The following SDK2 variants were observed in gnomAD, a reference collection of about 807,000 sequenced individuals.
SDK2 encodes the protein sidekick cell adhesion molecule 2.
In SDK2, 105 loss-of-function variants were observed where a neutral mutation model predicts 253.9. That is an observed-to-expected ratio of 0.41 (90% CI 0.35 to 0.49). SDK2 has a LOEUF of 0.49. Among genes scored for constraint, SDK2 ranks in the 20% least tolerant of loss-of-function variants. The probability of loss-of-function intolerance (pLI) is 0.06; values close to 1 mark genes in which losing one functional copy is unlikely to be tolerated. For synonymous variants in SDK2, 1,249 were observed against 1,234.9 expected (o/e 1.01, Z -0.24); for missense variants, 2,608 against 3,003.0 (o/e 0.87, Z 3.07).
At chr17:73,598,534 A>G (rs1465578384) in intron 1 of SDK2, among the ~76,000 whole-genome samples, 1 of 152,164 alleles carries the variant, frequency 6.6e-6, no homozygotes, top group African/African-American at 2.4e-5. Context: ...CTGGGGATGC[A>G]GCTCTGCTCT....
Position 73,395,444 on chromosome 17 carries a change from G to T in SDK2, c.3355-52C>A. The T allele has an allele frequency of 1.3e-6, 2 of 1,494,420 alleles. No homozygotes were observed. Among genetic ancestry groups the T allele is most frequent in the Non-Finnish European group, 1.9e-6 (2 of 1,074,838 alleles). The allele number at this position is 1,494,420 out of a possible 1,614,324, so 92.6% of individuals were successfully genotyped here. On this transcript the variant is annotated intron_variant, in intron 24 of 44. Transcript: ENST00000392650. The surrounding 1 kb of genome is among the most constrained non-coding windows in gnomAD (Gnocchi z 4.3). ...TGCTATGAGCCAGGCCCCCCACTGT[G>T]CAGGGAGGAACTGCCCTGCTACCCT...
At chr17:73,504,279 AGAG>A (rs1421873720) in intron 2 of SDK2, 23 of 137,436 alleles carry the variant, frequency 1.7e-4, no homozygotes, top group African/African-American at 6.2e-4. Context: ...AGAGAGAGAG[AGAG>A]AGAGGGAAAG....
intron 21 of SDK2, among the ~76,000 whole-genome samples, chr17:73,400,251 C>A (rs1296708398): frequency 6.6e-6 from 1 of 152,220 alleles, no homozygotes; most frequent in Non-Finnish European, 1.5e-5. Flanking sequence ...TTGGCAGAAG[C>A]AGAGCTGAGA....
intron 30 of SDK2, 35 bp downstream of exon 30, chr17:73,387,801 G>C (rs2062885534): frequency 6.6e-7 from 1 of 1,508,734 alleles, no homozygotes. Flanking sequence ...CGGGGAGAGG[G>C]GCAGTGGGGA....
chr17:73,562,630 C>A (rs934137426), intron 1 of SDK2, among the ~76,000 whole-genome samples: 1 of 151,780 alleles, frequency 6.6e-6, no homozygotes, highest in Non-Finnish European at 1.5e-5. Context: ...GTCCAGGCTG[C>A]CGGACAAGGA....
chr17:73,345,056 C>T (rs559991378), intron 44 of SDK2, among the ~76,000 whole-genome samples: 95 of 152,280 alleles, frequency 6.2e-4, no homozygotes, highest in African/African-American at 2.1e-3. Context: ...CGGTGGCTCA[C>T]GCCTGTAATC....
intron 2 of SDK2, among the ~76,000 whole-genome samples, chr17:73,506,016 TCCTCCTCC>T (rs1055829786): frequency 5.9e-5 from 9 of 152,108 alleles, no homozygotes; most frequent in African/African-American, 1.9e-4. Context: ...GAACCAACTC[TCCTCCTCC>T]CCTCCTCCTG....
chr17:73,626,068 C>A (rs540946653), intron 1 of SDK2, among the ~76,000 whole-genome samples: 2 of 143,732 alleles, frequency 1.4e-5, no homozygotes, highest in Non-Finnish European at 3.2e-5. Context: ...GAGCACTGAG[C>A]GAGACAGAGC....
chr17:73,593,631 C>T (rs1367970196), intron 1 of SDK2, among the ~76,000 whole-genome samples: 1 of 152,216 alleles, frequency 6.6e-6, no homozygotes, highest in Non-Finnish European at 1.5e-5. Context: ...GCAGTGCCCC[C>T]CCAAAGTGTG....
At chr17:73,432,847 T>C (rs776326172) in intron 10 of SDK2, among the ~76,000 whole-genome samples, 21 of 151,984 alleles carry the variant, frequency 1.4e-4, no homozygotes, top group Non-Finnish European at 2.1e-4. Context: ...TGTGTGTGCA[T>C]GTGTGTGCAC....
At position 73,483,639 on chromosome 17, in the gene SDK2, A is replaced by ATGTGTGTGTGTGTGTG. The variant is rs1188169326; in HGVS notation, c.225-11422_225-11421insCACACACACACACACA. ...TGTATATATATGTATATGTATATAT[A>ATGTGTGTGTGTGTGTG]TATGTGTGTGTGTGTGTGTGTGTAT... On this transcript the variant is annotated intron_variant, in intron 2 of 44. Transcript: ENST00000392650. Among the ~76,000 whole-genome samples, 378 of 48,048 alleles carry ATGTGTGTGTGTGTGTG rather than the reference A, an allele frequency of 7.9e-3. 74 individuals are homozygous for ATGTGTGTGTGTGTGTG. The highest frequency in any genetic ancestry group is 0.019 in the Middle Eastern group (2 of 108). The allele number at this position is 48,048 out of a possible 152,430, so 31.5% of individuals were successfully genotyped here. A position where few individuals can be genotyped will look rare whatever the true frequency, so the allele number is the denominator to read the frequency against.
Position 73,435,894 on chromosome 17 carries a change from G to A in SDK2, c.1001-250C>T, listed in dbSNP as rs563990003. 3.9e-5 allele frequency among the ~76,000 whole-genome samples: 6 copies of A among 152,278 alleles called. No individual in the cohort carries two copies. The East Asian group carries it at 1.2e-3, about 29-fold the overall frequency. On this transcript the variant is annotated intron_variant, in intron 8 of 44. Coordinates refer to ENST00000392650, the MANE Select transcript of SDK2 (RefSeq NM_001144952.2). This position sits in a 1 kb window ranked among gnomAD's most constrained non-coding sequence, Gnocchi z 5.7. ...TCAGTTTAGCATGGAAACTGGATTG[G>A]ACAAACTAATTTATTTATTCTATTT...
At chr17:73,452,983 G>A (rs941491582) in intron 4 of SDK2, among the ~76,000 whole-genome samples, 1 of 152,100 alleles carries the variant, frequency 6.6e-6, no homozygotes, top group African/African-American at 2.4e-5. Flanking sequence ...GGCCTAAGAG[G>A]GCACACTCTG....
At chr17:73,601,999 C>T (rs1188485429) in intron 1 of SDK2, among the ~76,000 whole-genome samples, 2 of 152,230 alleles carry the variant, frequency 1.3e-5, no homozygotes, top group African/African-American at 4.8e-5. Context: ...CTGCCTTGGC[C>T]TCCCAAAGTG....
chr17:73,600,462 A>G (rs2045822194), intron 1 of SDK2, among the ~76,000 whole-genome samples: 1 of 152,082 alleles, frequency 6.6e-6, no homozygotes, highest in Non-Finnish European at 1.5e-5. Context: ...AGAGGGCGAC[A>G]GCAATCCTTG....
intron 1 of SDK2, among the ~76,000 whole-genome samples, chr17:73,544,867 G>GC (rs1385067593): frequency 6.6e-6 from 1 of 152,156 alleles, no homozygotes; most frequent in Non-Finnish European, 1.5e-5. Flanking sequence ...TGCTGGGGCG[G>GC]CAGGTCCTTC....
chr17:73,518,320 TCTGTAACTCTGC>T (rs370228708), intron 1 of SDK2: 23,829 of 152,212 alleles, frequency 0.16, 2,306 homozygotes, highest in Admixed American at 0.23. Flanking sequence ...TGGGCATCAT[TCTGTAACTCTGC>T]TGCACCTCTC....
Position 73,423,464 on chromosome 17 carries a change from C to T in SDK2, c.1819G>A (p.Ala607Thr). 6.3e-7 allele frequency: 1 copy of T among 1,594,238 alleles called. No homozygotes were observed. Among genetic ancestry groups the T allele is most frequent in the Non-Finnish European group, 8.6e-7 (1 of 1,168,334 alleles). The change falls in exon 14 of 45, where the codon GCC (alanine) becomes ACC (threonine). Residue 607 changes from alanine (A) to threonine (T), a missense_variant. Around this residue, in one of 2 missense-constraint regions of SDK2, gnomAD observed 1,505 missense variants for 1,859.1 expected, o/e 0.81. Transcript: ENST00000392650. ...VATLSTVERR[A>T]INLTWTKPFD... ...GGCTTGGTCCACGTCAGGTTGATGG[C>T]TCGCCTTTCCACGGTGCTGAGAGTG...
intron 1 of SDK2, among the ~76,000 whole-genome samples, chr17:73,510,876 G>A (rs2063974606): frequency 6.6e-6 from 1 of 152,220 alleles, no homozygotes; most frequent in Non-Finnish European, 1.5e-5. Context: ...GGTGAACGCA[G>A]CGTCTTAAAA....
Sources: gnomAD v4.1 joint callset for allele counts (sites outside exome capture counted in the v4.1 genomes callset) on GRCh38, gnomAD v4.1.1 for gene constraint, gnomAD v4.1.1 regional missense constraint, Gnocchi (gnomAD v3.1) non-coding constraint, MANE v1.5 for transcripts, NCBI Gene and HGNC (gene_info 2026-07-23, HGNC 2026-07-21) for gene names.